TSGA10: variants seen among roughly 807,000 people sequenced by gnomAD.
TSGA10 encodes testis specific 10, also known as testis-specific gene 10 protein.
A neutral mutation model predicts 96.6 loss-of-function variants in TSGA10; 43 were observed. The observed-to-expected ratio is 0.44, with a 90% confidence interval of 0.35 to 0.57. The LOEUF (loss-of-function observed/expected upper bound fraction) is 0.57. Ranked by LOEUF, TSGA10 falls within the 20% of genes least tolerant of loss-of-function variation. The pLI is 0.01. For missense variants in TSGA10, 703 were observed against 834.4 expected (o/e 0.84, Z 1.94); for synonymous variants, 229 against 269.9 (o/e 0.85, Z 1.48).
chr2:99,028,607 C>G (rs2080856759), intron 17 of TSGA10, among the ~76,000 whole-genome samples: 1 of 152,076 alleles, frequency 6.6e-6, no homozygotes, highest in Non-Finnish European at 1.5e-5. Flanking sequence ...CAACGTCTCC[C>G]TTCTTCCCCT....
chr2:99,048,858 T>C (rs1196414535), intron 16 of TSGA10, among the ~76,000 whole-genome samples: 1 of 151,954 alleles, frequency 6.6e-6, no homozygotes, highest in Admixed American at 6.6e-5. Context: ...ATCCAGAGTC[T>C]ACAAAGAACT....
chr2:99,141,185 G>A (rs1160553666), intron 1 of TSGA10: 2 of 1,216,104 alleles, frequency 1.6e-6, no homozygotes, highest in Non-Finnish European at 2.1e-6. Flanking sequence ...TACAAGAACC[G>A]CCCACTCTCC....
rs1215228364 is a variant in TSGA10 at position 99,064,971 on chromosome 2, T to G, written c.1372A>C (p.Lys458Gln). ...AEAEGNRLKEKVDSLNREVEQ... is the reference protein window; with the variant it reads ...AEAEGNRLKEQVDSLNREVEQ... ...ACCTCTCTGTTGAGGGAATCTACTT[T>G]TTCTTTTAATCTGTTACCCTCTGCC... is the stretch of plus-strand genomic sequence containing the variant. Residue 458 changes from lysine (K) to glutamine (Q), a missense_variant, in exon 16 of 21, where the codon AAA (lysine) becomes CAA (glutamine). Physicochemically the swap from Lys to Gln is moderately conservative, Grantham distance 53 (BLOSUM62 1). Transcript: ENST00000393483. 6.2e-7 allele frequency: 1 copy of G among 1,602,680 alleles called. No homozygotes were observed. The highest frequency in any genetic ancestry group is 1.1e-5 in the South Asian group (1 of 87,380).
At chr2:99,133,177 C>T (rs991471417) in intron 1 of TSGA10, among the ~76,000 whole-genome samples, 2 of 152,062 alleles carry the variant, frequency 1.3e-5, no homozygotes, top group Non-Finnish European at 2.9e-5. Context: ...CTAATATTGC[C>T]AGTGGGGTGT....
chr2:99,072,611 A>T (rs2086111591), intron 13 of TSGA10, among the ~76,000 whole-genome samples: 1 of 152,054 alleles, frequency 6.6e-6, no homozygotes, highest in Non-Finnish European at 1.5e-5. Flanking sequence ...CTAACACAAA[A>T]TTCTCCTCAG....
intron 16 of TSGA10, among the ~76,000 whole-genome samples, chr2:99,054,324 A>G (rs1364801687): frequency 6.6e-6 from 1 of 152,178 alleles, no homozygotes; most frequent in African/African-American, 2.4e-5. Flanking sequence ...ATGGAGAAGA[A>G]TGAGATTGGA....
At position 99,073,088 on chromosome 2, in the gene TSGA10, T is replaced by C. The variant is rs750856585; in HGVS notation, c.883-15A>G. ...ATGGTCTTTTCCTTGAAAAATAATA[T>C]AAGTATTAAATAAAAAAATCTTAAG... is the stretch of plus-strand genomic sequence containing the variant. On this transcript the variant is annotated splice_polypyrimidine_tract_variant and intron_variant, in intron 12 of 20. Transcript: ENST00000393483. 2 of 1,519,496 alleles carry C rather than the reference T, an allele frequency of 1.3e-6. No individual in the cohort carries two copies. Among genetic ancestry groups the C allele is most frequent in the South Asian group, 1.2e-5 (1 of 84,900 alleles). 94.1% of individuals were successfully genotyped at this position (1,519,496 alleles called of 1,614,324 possible). A position where few individuals can be genotyped will look rare whatever the true frequency, so the allele number is the denominator to read the frequency against.
intron 17 of TSGA10, among the ~76,000 whole-genome samples, chr2:99,026,711 C>CCACG (rs2080611048): frequency 6.6e-6 from 1 of 152,140 alleles, no homozygotes; most frequent in Non-Finnish European, 1.5e-5. Flanking sequence ...GCATGAGCCA[C>CCACG]CACGCCCGGC....
chr2:99,134,362 G>GGC (rs1450047771), intron 1 of TSGA10, among the ~76,000 whole-genome samples: 1 of 151,900 alleles, frequency 6.6e-6, no homozygotes, highest in Non-Finnish European at 1.5e-5. Context: ...TCTTCCACTT[G>GGC]ATTGATTCAG....
intron 17 of TSGA10, among the ~76,000 whole-genome samples, chr2:99,026,042 G>A (rs933448496): frequency 6.6e-6 from 1 of 152,184 alleles, no homozygotes; most frequent in Non-Finnish European, 1.5e-5. Context: ...TCCATGTTGA[G>A]AAGACTATGT....
chr2:99,045,596 A>T (rs2082685292), intron 16 of TSGA10, among the ~76,000 whole-genome samples: 2 of 152,214 alleles, frequency 1.3e-5, no homozygotes, highest in Admixed American at 1.3e-4. Flanking sequence ...CTAAACATGG[A>T]AAGGAACAAC....
At chr2:99,078,510 T>C in intron 12 of TSGA10, 149 bp downstream of exon 12, 1 of 774,986 alleles carries the variant, frequency 1.3e-6, no homozygotes. Context: ...CTTAAAATAT[T>C]TCAAAGTCAG....
intron 16 of TSGA10, among the ~76,000 whole-genome samples, chr2:99,042,768 A>G (rs959037887): frequency 2.6e-4 from 39 of 149,896 alleles, no homozygotes; most frequent in Non-Finnish European, 4.4e-4. Context: ...TAGTGGCGTG[A>G]TCTCAGCTCA....
chr2:99,001,194 G>A (rs2077873373), intron 20 of TSGA10, among the ~76,000 whole-genome samples: 1 of 152,154 alleles, frequency 6.6e-6, no homozygotes, highest in Non-Finnish European at 1.5e-5. Flanking sequence ...TGACCCCCTA[G>A]TAGCCTAACT....
intron 1 of TSGA10, among the ~76,000 whole-genome samples, chr2:99,129,240 A>C (rs2092960877): frequency 6.6e-6 from 1 of 152,184 alleles, no homozygotes; most frequent in Non-Finnish European, 1.5e-5. Flanking sequence ...TTTATGTTCT[A>C]AATTTTTCTG....
chr2:99,038,710 G>A (rs1345912281), intron 16 of TSGA10, among the ~76,000 whole-genome samples: 1 of 151,822 alleles, frequency 6.6e-6, no homozygotes, highest in African/African-American at 2.4e-5. Flanking sequence ...TAATAGTGGG[G>A]GACTTCAATA....
chr2:99,003,812 G>A (rs1003446843), intron 20 of TSGA10, among the ~76,000 whole-genome samples: 3 of 151,582 alleles, frequency 2.0e-5, no homozygotes, highest in Non-Finnish European at 4.4e-5. Context: ...TGTGTAGAGG[G>A]AAATTTATAG....
intron 16 of TSGA10, among the ~76,000 whole-genome samples, chr2:99,055,921 C>A (rs190374376): frequency 1.5e-4 from 22 of 150,310 alleles, no homozygotes; most frequent in African/African-American, 4.9e-4. Context: ...TAACAATAGT[C>A]GGCCAGGCGC....
intron 10 of TSGA10, among the ~76,000 whole-genome samples, chr2:99,095,342 T>C (rs2089916854): frequency 6.6e-6 from 1 of 151,922 alleles, no homozygotes; most frequent in Admixed American, 6.6e-5. Flanking sequence ...CACAAATCAC[T>C]GAAGAATGTA....
Sources: gnomAD v4.1 joint callset for allele counts (sites outside exome capture counted in the v4.1 genomes callset) on GRCh38, gnomAD v4.1.1 for gene constraint, MANE v1.5 for transcripts, NCBI Gene and HGNC (gene_info 2026-07-23, HGNC 2026-07-21) for gene names.